Variants in CRY2 observed in about 807,000 individuals in gnomAD.
The protein encoded by CRY2 is cryptochrome-2.
In CRY2, 31 loss-of-function variants were observed where a neutral mutation model predicts 69.5. That is an observed-to-expected ratio of 0.45 (90% confidence interval 0.34 to 0.60). CRY2 has a LOEUF of 0.60. CRY2 is among the 20% of genes least tolerant of loss of function. The pLI, the probability that CRY2 is intolerant of heterozygous loss-of-function variation, is 0.02. For synonymous variants in CRY2, 303 were observed against 312.2 expected (o/e 0.97, Z 0.31); for missense variants, 606 against 797.8 (o/e 0.76, Z 2.90).
At chr11:45,862,330 C>T (rs893165434) in intron 5 of CRY2, among the ~76,000 whole-genome samples, 182 bp downstream of exon 5, 2 of 152,236 alleles carry the variant, frequency 1.3e-5, no homozygotes, top group Admixed American at 6.5e-5. Context: ...TTAGAGAGTA[C>T]TTACCATGTG....
chr11:45,869,128 AT>A (rs1276781519), intron 6 of CRY2, among the ~76,000 whole-genome samples: 2 of 152,214 alleles, frequency 1.3e-5, no homozygotes, highest in Admixed American at 1.3e-4. Flanking sequence ...TAGACTGAGC[AT>A]TTTTCATGTG....
intron 2 of CRY2, chr11:45,856,335 G>A: frequency 2.2e-6 from 1 of 460,712 alleles, no homozygotes; most frequent in Non-Finnish European, 3.9e-6. Context: ...TCCAGACATA[G>A]GATGTGGTAA....
chr11:45,872,370 G>C (rs1312680831), intron 11 of CRY2, 137 bp downstream of exon 11: 1 of 787,956 alleles, frequency 1.3e-6, no homozygotes, highest in African/African-American at 1.7e-5. Context: ...AGCCACTAAA[G>C]CTTTACCATT....
chr11:45,859,411 T>C (rs2086269056), intron 3 of CRY2, among the ~76,000 whole-genome samples: 1 of 151,914 alleles, frequency 6.6e-6, no homozygotes, highest in Non-Finnish European at 1.5e-5. Flanking sequence ...AAAATAAATA[T>C]ATTAGCCATG....
At chr11:45,874,652 T>C (rs570542159) in intron 11 of CRY2, among the ~76,000 whole-genome samples, 1 of 152,180 alleles carries the variant, frequency 6.6e-6, no homozygotes, top group East Asian at 1.9e-4. Flanking sequence ...TATTTAAAAT[T>C]TAAAGAGGCC....
intron 1 of CRY2, among the ~76,000 whole-genome samples, chr11:45,853,706 G>A (rs1179588773): frequency 6.6e-6 from 1 of 152,212 alleles, no homozygotes; most frequent in Non-Finnish European, 1.5e-5. Flanking sequence ...ATTCTACCTG[G>A]CAGGGTCCAG....
intron 6 of CRY2, chr11:45,867,997 C>A (rs1320787120): frequency 3.9e-6 from 2 of 512,740 alleles, no homozygotes; most frequent in South Asian, 3.1e-5. Flanking sequence ...GAAGGACAGG[C>A]AGAAAAGCAG....
chr11:45,847,474 G>A (rs778024197), upstream of CRY2: 1 of 1,599,790 alleles, frequency 6.3e-7, no homozygotes, highest in Non-Finnish European at 8.5e-7. Flanking sequence ...GGGGTGGCTG[G>A]AGCAGTCTGG....
At chr11:45,863,915 G>C (rs1307524949) in intron 5 of CRY2, among the ~76,000 whole-genome samples, 3 of 152,096 alleles carry the variant, frequency 2.0e-5, no homozygotes, top group Non-Finnish European at 2.9e-5. Flanking sequence ...TTACCACTGG[G>C]TTACTCAATA....
rs377534861 is a variant in CRY2, at chr11:45,847,513, C to T, written c.23C>T (p.Ala8Val). 1.0e-4 allele frequency: 160 copies of T among 1,591,736 alleles called. No homozygotes were observed. Among genetic ancestry groups the T allele is most frequent in the Non-Finnish European group, 1.3e-4 (153 of 1,173,758 alleles). ...GTCATGGCGGCGACTGTGGCGACGGCGGCAGCTGTGGCCCCGGCGCCAGCG... is the reference window on the plus strand; with the variant it reads ...GTCATGGCGGCGACTGTGGCGACGGTGGCAGCTGTGGCCCCGGCGCCAGCG... MAATVATAAAVAPAPAPG... is the reference protein window; with the variant it reads MAATVATVAAVAPAPAPG... Residue 8 changes from alanine (A) to valine (V), a missense_variant, in exon 1 of 12, where the codon GCG becomes GTG. Around this residue, in one of 5 missense-constraint regions of CRY2, gnomAD observed 45 missense variants for 35.7 expected, o/e 1.26. Transcript: ENST00000616080.
chr11:45,847,897 C>A (rs927124659), intron 1 of CRY2, among the ~76,000 whole-genome samples, 192 bp downstream of exon 1: 1 of 152,214 alleles, frequency 6.6e-6, no homozygotes, highest in Non-Finnish European at 1.5e-5. Context: ...AAAGCGCGTT[C>A]GCACTGTTAC....
chr11:45,853,210 G>A (rs1008873221), intron 1 of CRY2, among the ~76,000 whole-genome samples: 1 of 152,158 alleles, frequency 6.6e-6, no homozygotes, highest in Non-Finnish European at 1.5e-5. Flanking sequence ...ACTTGATTGG[G>A]CTGTTTGAGA....
intron 6 of CRY2, among the ~76,000 whole-genome samples, chr11:45,869,270 A>G (rs1434701092): frequency 6.6e-6 from 1 of 152,204 alleles, no homozygotes; most frequent in Non-Finnish European, 1.5e-5. Context: ...GCCCCTTCCC[A>G]CTGCCTGGCC....
chr11:45,869,488 G>C lies in CRY2; in HGVS notation c.883-18G>C, dbSNP rs906268936. On this transcript the variant is annotated intron_variant, in intron 6 of 11. Transcript: ENST00000616080. Reference sequence around the variant, plus strand: ...GCTGGGCGAGTGTTTGTATCCATGTGCCACCCCTACCTCTCAGGTGAAGCG... The same window carrying C: ...GCTGGGCGAGTGTTTGTATCCATGTCCCACCCCTACCTCTCAGGTGAAGCG... 2 of 1,590,162 alleles carry C rather than the reference G, an allele frequency of 1.3e-6. No individual in the cohort carries two copies.
intron 2 of CRY2, among the ~76,000 whole-genome samples, chr11:45,856,483 T>C (rs2086239919): frequency 6.6e-6 from 1 of 152,236 alleles, no homozygotes; most frequent in African/African-American, 2.4e-5. Context: ...CATCTTGCTT[T>C]GCTCTGCTTA....
chr11:45,866,980 A>G (rs560108253), intron 5 of CRY2, among the ~76,000 whole-genome samples: 1 of 152,138 alleles, frequency 6.6e-6, no homozygotes, highest in African/African-American at 2.4e-5. Context: ...AATAAATAAA[A>G]AAAGTCGTGA....
intron 6 of CRY2, among the ~76,000 whole-genome samples, chr11:45,868,989 G>T (rs535705376): frequency 6.6e-6 from 1 of 152,284 alleles, no homozygotes; most frequent in African/African-American, 2.4e-5. Context: ...TGTGGCATGG[G>T]ATAGCTTTGC....
chr11:45,863,780 C>G lies in CRY2; in HGVS notation c.741+1632C>G, dbSNP rs2086307761. On this transcript the variant is annotated intron_variant, in intron 5 of 11. Coordinates refer to ENST00000616080, the MANE Select transcript of CRY2 (RefSeq NM_021117.5). Reference sequence around the variant, plus strand: ...CCCTGGCCAGACTTGCATCATGAGTCCGCTCCCAGAACTGGAAGGTAGGTT... The same window carrying G: ...CCCTGGCCAGACTTGCATCATGAGTGCGCTCCCAGAACTGGAAGGTAGGTT... 5.3e-5 allele frequency among the ~76,000 whole-genome samples: 8 copies of G among 151,854 alleles called. 1 individual carries two copies. The highest frequency in any genetic ancestry group is 5.3e-4 in the Admixed American group (8 of 15,218).
intron 8 of CRY2, 62 bp downstream of exon 8, chr11:45,870,266 AC>A (rs1377989004): frequency 3.7e-6 from 6 of 1,612,390 alleles, no homozygotes; most frequent in Non-Finnish European, 5.1e-6. Context: ...AGGATGGGAT[AC>A]CCTGGGCCTT....
Sources: allele counts gnomAD v4.1 joint callset (sites outside exome capture counted in the v4.1 genomes callset), GRCh38; gene constraint gnomAD v4.1.1; regional missense constraint gnomAD v4.1.1; transcripts MANE v1.5; gene names NCBI Gene and HGNC (gene_info 2026-07-23, HGNC 2026-07-21).